The following PTPRQ variants were observed in gnomAD, a reference collection of about 807,000 sequenced individuals.
The protein encoded by PTPRQ is phosphatidylinositol phosphatase PTPRQ.
PTPRQ carries 199 observed loss-of-function variants against 246.0 expected under a neutral mutation model. The observed-to-expected ratio is 0.81, with a 90% CI of 0.72 to 0.91. The LOEUF is 0.91. PTPRQ is among the 40% of genes least tolerant of loss of function. The pLI, the probability that PTPRQ is intolerant of heterozygous loss-of-function variation, is 0.00. For missense variants in PTPRQ, 2,624 were observed against 2,528.4 expected, an observed-to-expected ratio of 1.04 and a Z score of -0.81; for synonymous variants, 869 against 853.2, an observed-to-expected ratio of 1.02 and a Z score of -0.32.
At chr12:80,654,529 G>A (rs748433523) in intron 38 of PTPRQ, among the ~76,000 whole-genome samples, 2 of 151,982 alleles carry the variant, frequency 1.3e-5, no homozygotes, top group Non-Finnish European at 2.9e-5. Context: ...CAGTAACTGT[G>A]GAATAATTAG....
Position 80,506,097 on chromosome 12 carries a change from C to T in PTPRQ, c.2346C>T (p.Pro782=), listed in dbSNP as rs943175363. 7.1e-6 allele frequency: 11 copies of T among 1,543,570 alleles called. No individual in the cohort carries two copies. Among genetic ancestry groups the T allele is most frequent in the Admixed American group, 6.0e-5 (3 of 49,946 alleles). The change falls in exon 15 of 45, where the codon CCC becomes CCT. Residue 782 remains proline (P), a synonymous_variant. Transcript: ENST00000644991. ...SSGEIELSFL[P]PSSPNGIIQK... ...GAGAGATTGAGCTATCATTCCTTCCCCCAAGTAGTCCCAATGGAATCATAC... is the reference window on the plus strand; with the variant it reads ...GAGAGATTGAGCTATCATTCCTTCCTCCAAGTAGTCCCAATGGAATCATAC...
chr12:80,492,055 C>T (rs971697343), intron 9 of PTPRQ, among the ~76,000 whole-genome samples: 5 of 151,724 alleles, frequency 3.3e-5, no homozygotes, highest in African/African-American at 1.2e-4. Context: ...GTAGATTTTT[C>T]AGCATATTCT....
At chr12:80,504,454 C>G (rs1214624194) in intron 14 of PTPRQ, among the ~76,000 whole-genome samples, 1 of 151,638 alleles carries the variant, frequency 6.6e-6, no homozygotes, top group Non-Finnish European at 1.5e-5. Flanking sequence ...TTAAACATTT[C>G]TATTTTATTT....
chr12:80,626,392 T>C (rs1484496322), intron 33 of PTPRQ, among the ~76,000 whole-genome samples: 1 of 152,184 alleles, frequency 6.6e-6, no homozygotes, highest in East Asian at 1.9e-4. Flanking sequence ...TTTTAGAAGC[T>C]AACTAGGAGA....
chr12:80,481,737 A>C (rs1894067704), intron 8 of PTPRQ, among the ~76,000 whole-genome samples: 1 of 152,178 alleles, frequency 6.6e-6, no homozygotes, highest in Non-Finnish European at 1.5e-5. Context: ...AACAACAGAC[A>C]AACAGAGAGC....
chr12:80,485,658 T>C (rs1173500215), intron 9 of PTPRQ, among the ~76,000 whole-genome samples: 1 of 152,170 alleles, frequency 6.6e-6, no homozygotes, highest in Non-Finnish European at 1.5e-5. Flanking sequence ...TGTTGATTCC[T>C]TTCCTCTGTG....
At chr12:80,622,633 A>G (rs1899038844) in intron 33 of PTPRQ, among the ~76,000 whole-genome samples, 1 of 152,090 alleles carries the variant, frequency 6.6e-6, no homozygotes, top group Non-Finnish European at 1.5e-5. Flanking sequence ...AGATTCTTTC[A>G]GTATTTAAGT....
chr12:80,572,964 T>A (rs533247994), intron 25 of PTPRQ, among the ~76,000 whole-genome samples: 70 of 152,304 alleles, frequency 4.6e-4, no homozygotes, highest in African/African-American at 1.6e-3. Context: ...ATAATTTTCT[T>A]TTATTATAAC....
At chr12:80,505,221 C>G (rs1430305872) in intron 14 of PTPRQ, among the ~76,000 whole-genome samples, 1 of 151,862 alleles carries the variant, frequency 6.6e-6, no homozygotes, top group Non-Finnish European at 1.5e-5. Context: ...TATCAGCTTC[C>G]TTCTCAGGAT....
intron 28 of PTPRQ, among the ~76,000 whole-genome samples, chr12:80,611,763 G>T (rs1898560775): frequency 6.7e-6 from 1 of 150,282 alleles, no homozygotes; most frequent in Admixed American, 6.7e-5. Context: ...GAATTCCTTG[G>T]TTTATCTGAC....
intron 27 of PTPRQ, among the ~76,000 whole-genome samples, chr12:80,605,556 A>G (rs1420018428): frequency 6.6e-6 from 1 of 151,446 alleles, no homozygotes. Context: ...ACAGTACGGT[A>G]GAAAGTAATT....
chr12:80,457,530 T>G, intron 3 of PTPRQ, 45 bp from the exon 4 acceptor site: 1 of 400,130 alleles, frequency 2.5e-6, no homozygotes, highest in Non-Finnish European at 4.4e-6. Flanking sequence ...TTCTCTTTTT[T>G]CAGGGAGTAA....
At chr12:80,560,628 A>C (rs1446484633) in intron 25 of PTPRQ, among the ~76,000 whole-genome samples, 1 of 152,214 alleles carries the variant, frequency 6.6e-6, no homozygotes, top group Non-Finnish European at 1.5e-5. Context: ...TGGACAACAC[A>C]AATAATAGTT....
chr12:80,446,376 T>C (rs1892553595), intron 3 of PTPRQ, among the ~76,000 whole-genome samples: 1 of 151,884 alleles, frequency 6.6e-6, no homozygotes, highest in Non-Finnish European at 1.5e-5. Context: ...TTTGAGATAT[T>C]GTGGTCTAAG....
intron 25 of PTPRQ, among the ~76,000 whole-genome samples, chr12:80,551,915 C>T (rs1254852061): frequency 1.3e-5 from 2 of 151,908 alleles, no homozygotes; most frequent in Non-Finnish European, 2.9e-5. Context: ...TTTTCATCAT[C>T]AGATTGCTTT....
intron 25 of PTPRQ, among the ~76,000 whole-genome samples, chr12:80,579,431 C>G (rs953614273): frequency 6.6e-6 from 1 of 152,172 alleles, no homozygotes; most frequent in Non-Finnish European, 1.5e-5. Context: ...ACTCAACCCA[C>G]TGAATCCTTT....
chr12:80,450,626 T>C lies in PTPRQ; in HGVS notation c.390+4909T>C, dbSNP rs145477460. ...TTGTCAAAGGCCTTTTCTGCATCTATTGAGATAATCATGCGGTTTTTGTCT... is the reference window on the plus strand; with the variant it reads ...TTGTCAAAGGCCTTTTCTGCATCTACTGAGATAATCATGCGGTTTTTGTCT... On this transcript the variant is annotated intron_variant, in intron 3 of 44. Coordinates refer to ENST00000644991, the MANE Select transcript of PTPRQ (RefSeq NM_001145026.2). 6.3e-3 allele frequency among the ~76,000 whole-genome samples: 955 copies of C among 152,194 alleles called. 36 individuals carry two copies. The highest frequency in any genetic ancestry group is 1.4e-3 in the Non-Finnish European group (96 of 68,028).
chr12:80,620,446 C>T, intron 32 of PTPRQ, 70 bp downstream of exon 32: 1 of 1,530,498 alleles, frequency 6.5e-7, no homozygotes, highest in Non-Finnish European at 8.8e-7. Flanking sequence ...CATCCATCTG[C>T]CTGTCCTTTC....
intron 10 of PTPRQ, 36 bp from the exon 11 acceptor site, chr12:80,494,897 C>G (rs1565744344): frequency 1.3e-6 from 2 of 1,496,752 alleles, no homozygotes; most frequent in Admixed American, 2.6e-5. Flanking sequence ...AAGCCAAACA[C>G]CTTTCTTTTT....
Sources: allele counts gnomAD v4.1 joint callset (sites outside exome capture counted in the v4.1 genomes callset), GRCh38; gene constraint gnomAD v4.1.1; transcripts MANE v1.5; gene names NCBI Gene and HGNC (gene_info 2026-07-23, HGNC 2026-07-21).